The following ARHGAP6 variants were observed in gnomAD, a reference collection of about 807,000 sequenced individuals.
ARHGAP6 encodes rho GTPase-activating protein 6.
ARHGAP6 carries 16 observed loss-of-function variants against 55.7 expected under a neutral mutation model. That is an observed-to-expected ratio of 0.29 (90% CI 0.19 to 0.44). ARHGAP6 has a LOEUF of 0.44. Ranked by LOEUF, ARHGAP6 falls within the 20% of genes least tolerant of loss-of-function variation. The pLI is 1.00. For missense variants in ARHGAP6, 698 were observed against 808.9 expected (o/e 0.86, Z 1.66); for synonymous variants, 382 against 360.9 (o/e 1.06, Z -0.66).
At chrX:11,486,418 T>C (rs925407019) in intron 1 of ARHGAP6, among the ~76,000 whole-genome samples, 1 of 112,626 alleles carries the variant, frequency 8.9e-6, no homozygotes, top group Non-Finnish European at 1.9e-5. Context: ...TGAGTGCTTA[T>C]GATAAAGCAA....
chrX:11,526,544 T>C (rs951441502), intron 1 of ARHGAP6, among the ~76,000 whole-genome samples: 5 of 111,701 alleles, frequency 4.5e-5, no homozygotes, highest in African/African-American at 1.6e-4. Flanking sequence ...TTCCTTTGGG[T>C]TCATTTCTAC....
At chrX:11,425,588 A>G (rs923461342) in intron 1 of ARHGAP6, among the ~76,000 whole-genome samples, 7 of 111,887 alleles carry the variant, frequency 6.3e-5, no homozygotes, top group African/African-American at 2.3e-4. Context: ...ATAGTCTTAA[A>G]CCAGAATATA....
chrX:11,158,982 G>A (rs1032528675), intron 9 of ARHGAP6, among the ~76,000 whole-genome samples: 5 of 112,407 alleles, frequency 4.4e-5, no homozygotes, highest in African/African-American at 6.5e-5. Context: ...TTGGGAAGAC[G>A]CAGTTTTCAA....
intron 1 of ARHGAP6, among the ~76,000 whole-genome samples, chrX:11,384,183 G>A (rs1410358377): frequency 1.8e-5 from 2 of 111,711 alleles, no homozygotes; most frequent in African/African-American, 3.3e-5. Context: ...AAAACAACAC[G>A]ATGTGCCCCC....
chrX:11,513,253 C>T (rs191360890), intron 1 of ARHGAP6, among the ~76,000 whole-genome samples: 91 of 111,072 alleles, frequency 8.2e-4, no homozygotes, highest in Non-Finnish European at 1.4e-3. Flanking sequence ...AGTAATCATT[C>T]CCTCCTCCAG....
chrX:11,254,250 C>T (rs1314328474), intron 2 of ARHGAP6, among the ~76,000 whole-genome samples: 1 of 112,052 alleles, frequency 8.9e-6, no homozygotes, highest in Non-Finnish European at 1.9e-5. Flanking sequence ...AGATGACCTT[C>T]CTGAAAATTA....
chrX:11,343,871 G>A (rs2048736859), intron 1 of ARHGAP6, among the ~76,000 whole-genome samples: 1 of 111,835 alleles, frequency 8.9e-6, no homozygotes, highest in African/African-American at 3.3e-5. Context: ...TTGCTTGCTT[G>A]TTTTGTATTC....
At chrX:11,312,639 A>T (rs749824097) in intron 1 of ARHGAP6, among the ~76,000 whole-genome samples, 2 of 111,602 alleles carry the variant, frequency 1.8e-5, no homozygotes, top group South Asian at 7.6e-4. Flanking sequence ...CATTTATCAC[A>T]ATGCCTGCCT....
chrX:11,337,233 C>T (rs920120896), intron 1 of ARHGAP6, among the ~76,000 whole-genome samples: 1 of 111,128 alleles, frequency 9.0e-6, no homozygotes, highest in East Asian at 2.8e-4. Flanking sequence ...TATTCAATTA[C>T]ATTATATACA....
intron 9 of ARHGAP6, among the ~76,000 whole-genome samples, chrX:11,157,107 T>A (rs993295309): frequency 8.9e-6 from 1 of 112,045 alleles, no homozygotes; most frequent in African/African-American, 3.2e-5. Context: ...CTGCTTGGGT[T>A]TGAATCTTAG....
intron 1 of ARHGAP6, among the ~76,000 whole-genome samples, chrX:11,605,604 C>T (rs905204365): frequency 4.5e-5 from 5 of 111,225 alleles, no homozygotes; most frequent in African/African-American, 9.8e-5. Flanking sequence ...TTTGGGTGCC[C>T]GACACTTTCT....
intron 1 of ARHGAP6, among the ~76,000 whole-genome samples, chrX:11,299,155 G>A (rs1311176762): frequency 9.0e-6 from 1 of 111,535 alleles, no homozygotes; most frequent in East Asian, 2.8e-4. Flanking sequence ...CCTCTAAATG[G>A]CTTGGTAATT....
chrX:11,209,499 T>C (rs189456602), intron 2 of ARHGAP6, among the ~76,000 whole-genome samples: 15 of 112,474 alleles, frequency 1.3e-4, no homozygotes, highest in Admixed American at 3.8e-4. Context: ...GAATATGTTA[T>C]ACAGAAAAGT....
chrX:11,298,361 T>C, intron 1 of ARHGAP6: 1 of 1,103,802 alleles, frequency 9.1e-7, no homozygotes, highest in South Asian at 1.8e-5. Context: ...TCATGTCTAC[T>C]CCACATGCAG....
chrX:11,410,449 G>T (rs1336634431), intron 1 of ARHGAP6, among the ~76,000 whole-genome samples: 8 of 112,205 alleles, frequency 7.1e-5, no homozygotes, highest in Non-Finnish European at 1.3e-4. Flanking sequence ...GCAAATTAAT[G>T]GTTGTCAGGG....
In ARHGAP6 at chrX:11,438,813, G is replaced by C. The variant is rs145043772; in HGVS notation, c.589-184106C>G. 1.9e-3 allele frequency among the ~76,000 whole-genome samples: 212 copies of C among 112,281 alleles called. 2 individuals carry two copies. The highest frequency in any genetic ancestry group is 0.016 in the Admixed American group (171 of 10,647). On this transcript the variant is annotated intron_variant, in intron 1 of 12. Transcript: ENST00000337414. ...AAAAATGAGAAATTCTTTTTAAAAA[G>C]GGCAGAAAATAAAAGAGGTCCCAGA...
intron 1 of ARHGAP6, among the ~76,000 whole-genome samples, chrX:11,579,286 C>T (rs1156489486): frequency 9.0e-6 from 1 of 111,394 alleles, no homozygotes; most frequent in African/African-American, 3.3e-5. Flanking sequence ...ACAATTTTAA[C>T]GACAGATTAT....
intron 1 of ARHGAP6, among the ~76,000 whole-genome samples, chrX:11,403,170 C>T (rs1387191687): frequency 9.0e-6 from 1 of 111,492 alleles, no homozygotes; most frequent in Admixed American, 9.6e-5. Context: ...GACATCCTGA[C>T]TATTTCAGTG....
chrX:11,469,693 AT>A (rs2050329283), intron 1 of ARHGAP6, among the ~76,000 whole-genome samples: 1 of 111,722 alleles, frequency 9.0e-6, no homozygotes, highest in African/African-American at 3.3e-5. Flanking sequence ...AAAGTATTAG[AT>A]TTTCACGCTA....
Sources: gnomAD v4.1 joint callset for allele counts (sites outside exome capture counted in the v4.1 genomes callset) on GRCh38, gnomAD v4.1.1 for gene constraint, MANE v1.5 for transcripts, NCBI Gene and HGNC (gene_info 2026-07-23, HGNC 2026-07-21) for gene names.